The following TRIM14 variants were observed in gnomAD, a reference collection of about 807,000 sequenced individuals.
The protein encoded by TRIM14 is tripartite motif containing 14.
Under a neutral mutation model 44.5 loss-of-function variants are expected in TRIM14, and 28 were observed. The observed-to-expected ratio is 0.63, with a 90% CI of 0.47 to 0.86. TRIM14 has a LOEUF of 0.86. Among genes scored for constraint, TRIM14 ranks in the 40% least tolerant of loss-of-function variants. TRIM14 has a pLI of 0.00. For missense variants in TRIM14, 607 were observed against 611.1 expected, an observed-to-expected ratio of 0.99 and a Z score of 0.07; for synonymous variants, 299 against 269.2, an observed-to-expected ratio of 1.11 and a Z score of -1.08.
At position 98,095,906 on chromosome 9, in the gene TRIM14, G is replaced by A. The variant is rs908670494; in HGVS notation, c.538-877C>T. Among the ~76,000 whole-genome samples, 5 of 152,172 alleles carry A rather than the reference G, an allele frequency of 3.3e-5. No individual in the cohort carries two copies. The highest frequency in any genetic ancestry group is 1.2e-4 in the African/African-American group (5 of 41,444). ...ATTCCTGCTGCCCATCTTCCATCCC[G>A]ACTCTCTGGCCCTCCTGGAGATCCT... On this transcript the variant is annotated intron_variant, in intron 3 of 5. Transcript: ENST00000341469. This position sits in a 1 kb window ranked among gnomAD's most constrained non-coding sequence, Gnocchi z 4.1.
At chr9:98,103,857 T>C (rs1172448073) in intron 2 of TRIM14, among the ~76,000 whole-genome samples, 3 of 106,834 alleles carry the variant, frequency 2.8e-5, no homozygotes, top group Non-Finnish European at 5.6e-5. Flanking sequence ...AAAAAAAAAA[T>C]TAAACATAGG....
intron 2 of TRIM14, 32 bp from the exon 3 acceptor site, chr9:98,100,196 T>C (rs758182886): frequency 1.3e-6 from 2 of 1,570,618 alleles, no homozygotes; most frequent in Non-Finnish European, 1.8e-6. Context: ...GCAGATGACA[T>C]GTCTGCCAAC....
the TRIM14 span, among the ~76,000 whole-genome samples, chr9:98,045,523 T>C: frequency 4.6e-5 from 7 of 152,238 alleles, no homozygotes; most frequent in African/African-American, 1.7e-4. Flanking sequence ...ACCAATCCAG[T>C]TGTTTCTGAA....
At chr9:98,051,087 C>A in the TRIM14 span, among the ~76,000 whole-genome samples, 3 of 152,152 alleles carry the variant, frequency 2.0e-5, no homozygotes, top group African/African-American at 7.2e-5. Context: ...TTGCACATTT[C>A]TTTCAGCTCT....
At chr9:98,109,808 T>C (rs1826773880) in intron 2 of TRIM14, 81 bp downstream of exon 2, 2 of 1,157,212 alleles carry the variant, frequency 1.7e-6, no homozygotes, top group Non-Finnish European at 2.5e-6. Flanking sequence ...TTTATTTTCA[T>C]TGGCTCCATA....
At chr9:98,070,675 C>T (rs1461982986) in intron 6 of TRIM14, among the ~76,000 whole-genome samples, 1 of 152,068 alleles carries the variant, frequency 6.6e-6, no homozygotes, top group Non-Finnish European at 1.5e-5. Flanking sequence ...CCACCTTGTC[C>T]TCCCAAAGTG....
In TRIM14 at chr9:98,095,154, G is replaced by A; in HGVS notation, c.538-125C>T. The A allele has an allele frequency of 8.3e-7, 1 of 1,210,936 alleles. No individual in the cohort carries two copies. The highest frequency in any genetic ancestry group is 1.1e-6 in the Non-Finnish European group (1 of 885,776). The allele number at this position is 1,210,936 out of a possible 1,614,324, so 75.0% of individuals were successfully genotyped here. A position where few individuals can be genotyped will look rare whatever the true frequency, so the allele number is the denominator to read the frequency against. The stretch of plus-strand genomic sequence containing the variant: ...GGCTCCACGTTGGCCTGGCACCTAT[G>A]GTCAGCCCAGGCCATGCCTGCAGGA... On this transcript the variant is annotated intron_variant, in intron 3 of 5. Transcript: ENST00000341469. This position sits in a 1 kb window ranked among gnomAD's most constrained non-coding sequence, Gnocchi z 4.1.
downstream of TRIM14, among the ~76,000 whole-genome samples, chr9:98,083,619 T>C (rs1829988571): frequency 6.6e-6 from 1 of 152,242 alleles, no homozygotes; most frequent in Non-Finnish European, 1.5e-5. Context: ...TGAACAAATA[T>C]TGAGGGCCAT....
the TRIM14 span, chr9:98,061,198 C>T: frequency 2.1e-5 from 12 of 578,952 alleles, no homozygotes; most frequent in Non-Finnish European, 3.4e-5. Context: ...TGTCTCTGGC[C>T]GGGCTTGATG....
chr9:98,119,157 G>A lies in TRIM14; in HGVS notation c.32C>T (p.Pro11Leu). MAGAATGSRT[P>L]GRSELVEGCG... ...TCCCTCGACAAGCTCCGACCTCCCAGGGGTCCGGCTCCCGGTCGCCGCGCC... is the reference window on the plus strand; with the variant it reads ...TCCCTCGACAAGCTCCGACCTCCCAAGGGTCCGGCTCCCGGTCGCCGCGCC... The change falls in exon 1 of 6, where the codon CCT becomes CTT. Residue 11 changes from proline to leucine, a missense_variant. By Grantham distance (98) the Pro-to-Leu change is moderately conservative. Coordinates refer to ENST00000341469, the MANE Select transcript of TRIM14 (RefSeq NM_014788.4). 7.6e-6 allele frequency: 12 copies of A among 1,582,494 alleles called. No homozygotes were observed. The highest frequency in any genetic ancestry group is 8.5e-6 in the Non-Finnish European group (10 of 1,173,988).
intron 2 of TRIM14, among the ~76,000 whole-genome samples, chr9:98,106,367 G>T (rs980111496): frequency 6.6e-6 from 1 of 152,194 alleles, no homozygotes; most frequent in African/African-American, 2.4e-5. Flanking sequence ...TCTTGATCAG[G>T]AATTGAATAT....
chr9:98,118,847 G>T, intron 1 of TRIM14, 135 bp downstream of exon 1: 2 of 1,060,614 alleles, frequency 1.9e-6, no homozygotes, highest in African/African-American at 1.7e-5. Context: ...CCGCTTAGAC[G>T]CCCTCTGGGG....
intron 5 of TRIM14, among the ~76,000 whole-genome samples, 184 bp downstream of exon 5, chr9:98,091,725 A>G (rs923610331): frequency 2.0e-5 from 3 of 152,152 alleles, no homozygotes; most frequent in African/African-American, 4.8e-5. Context: ...TTTTTCTACA[A>G]TGAACATGTA....
downstream of TRIM14, chr9:98,081,329 TAG>T: frequency 1.8e-6 from 1 of 540,722 alleles, no homozygotes; most frequent in Non-Finnish European, 3.3e-6. Context: ...AGGGTCACAT[TAG>T]AGTCTTCCAC....
chr9:98,043,671 A>G, the TRIM14 span, among the ~76,000 whole-genome samples: 8 of 151,786 alleles, frequency 5.3e-5, no homozygotes, highest in African/African-American at 1.9e-4. Context: ...GAGAGATCCT[A>G]TAGCTTTTAC....
the TRIM14 span, among the ~76,000 whole-genome samples, chr9:98,049,338 C>CA: frequency 9.1e-4 from 35 of 38,526 alleles, 5 homozygotes; most frequent in African/African-American, 2.5e-3. Context: ...TGAGACTCTG[C>CA]ATAAAAAAAA....
intron 2 of TRIM14, among the ~76,000 whole-genome samples, chr9:98,107,261 T>C (rs900267240): frequency 2.0e-5 from 3 of 152,184 alleles, no homozygotes; most frequent in East Asian, 1.9e-4. Flanking sequence ...GCAGGTGCCA[T>C]ATGACCCAGC....
chr9:98,115,767 T>C (rs769823011), intron 1 of TRIM14: 3 of 152,220 alleles, frequency 2.0e-5, no homozygotes, highest in Non-Finnish European at 4.4e-5. Flanking sequence ...ACAGACCACA[T>C]TGGAGACACT....
At chr9:98,110,628 A>G (rs1415465422) in intron 1 of TRIM14, among the ~76,000 whole-genome samples, 1 of 151,936 alleles carries the variant, frequency 6.6e-6, no homozygotes, top group Admixed American at 6.6e-5. Flanking sequence ...ATTGACTAGG[A>G]GCTTCTTGAG....
Sources: allele counts gnomAD v4.1 joint callset (sites outside exome capture counted in the v4.1 genomes callset), GRCh38; gene constraint gnomAD v4.1.1; non-coding constraint Gnocchi (gnomAD v3.1); transcripts MANE v1.5; gene names NCBI Gene and HGNC (gene_info 2026-07-23, HGNC 2026-07-21).